NRG1: variants seen among roughly 807,000 people sequenced by gnomAD.
NRG1 encodes the protein pro-neuregulin-1, membrane-bound isoform.
In NRG1, 18 loss-of-function variants were observed where a neutral mutation model predicts 63.8. The ratio of observed to expected loss-of-function variants is 0.28; its 90% CI spans 0.19 to 0.42. The LOEUF is 0.42. NRG1 is among the 10% of genes least tolerant of loss of function. The probability of loss-of-function intolerance (pLI) is 1.00; values close to 1 mark genes in which losing one functional copy is unlikely to be tolerated. For missense variants in NRG1, 762 were observed against 814.7 expected, an observed-to-expected ratio of 0.94 and a Z score of 0.79; for synonymous variants, 302 against 301.3, an observed-to-expected ratio of 1.00 and a Z score of -0.02.
chr8:32,594,904 G>A lies in NRG1; in HGVS notation c.101-924G>A, dbSNP rs112759650. ...AGAGTGATAGCATCAGAGAATTTCT[G>A]TCTTGAAGAAAGGAGCCATTGTTAA... is the stretch of plus-strand genomic sequence containing the variant. On this transcript the variant is annotated intron_variant, in intron 1 of 11. Coordinates refer to ENST00000356819, the Ensembl canonical transcript of NRG1. Among the ~76,000 whole-genome samples, 566 of 152,300 alleles carry A rather than the reference G, an allele frequency of 3.7e-3. 5 individuals are homozygous for A. The highest frequency in any genetic ancestry group is 0.013 in the African/African-American group (541 of 41,568).
intron 1 of NRG1, among the ~76,000 whole-genome samples, chr8:32,418,229 G>T (rs182711247): frequency 6.6e-6 from 1 of 151,942 alleles, no homozygotes; most frequent in African/African-American, 2.4e-5. Context: ...CTAGTCTAGT[G>T]CATTCAATTA....
At chr8:31,805,923 T>G (rs1822240078) in intron 1 of NRG1, among the ~76,000 whole-genome samples, 1 of 152,086 alleles carries the variant, frequency 6.6e-6, no homozygotes, top group Non-Finnish European at 1.5e-5. Context: ...CATAGTATTC[T>G]TAAAGAATTC....
intron 1 of NRG1, among the ~76,000 whole-genome samples, chr8:31,874,779 G>T (rs1829775559): frequency 2.1e-5 from 3 of 144,886 alleles, no homozygotes; most frequent in South Asian, 2.2e-4. Context: ...CCCAGCCTCT[G>T]GTAACTGTCC....
chr8:32,369,289 G>A (rs1337651461), intron 1 of NRG1, among the ~76,000 whole-genome samples: 1 of 152,242 alleles, frequency 6.6e-6, no homozygotes, highest in African/African-American at 2.4e-5. Context: ...TCATTGTGCA[G>A]TGTGGGGGAG....
chr8:32,510,122 A>AATAATAATAATAATAATC (rs1554566691), intron 1 of NRG1, among the ~76,000 whole-genome samples: 1 of 116,796 alleles, frequency 8.6e-6, no homozygotes, highest in African/African-American at 2.9e-5. Flanking sequence ...TAATAATAAT[A>AATAATAATAATAATAATC]ATAATCATAA....
chr8:32,741,687 A>G (rs1237357601), intron 6 of NRG1, among the ~76,000 whole-genome samples: 1 of 152,196 alleles, frequency 6.6e-6, no homozygotes, highest in African/African-American at 2.4e-5. Context: ...AGAATCAATG[A>G]TCAGTGGCAA....
At chr8:32,634,634 A>G (rs534037947) in intron 5 of NRG1, among the ~76,000 whole-genome samples, 1 of 152,324 alleles carries the variant, frequency 6.6e-6, no homozygotes, top group African/African-American at 2.4e-5. Flanking sequence ...GTATGTGAAC[A>G]TGTATATTCT....
chr8:31,703,526 A>G (rs796582304), intron 1 of NRG1, among the ~76,000 whole-genome samples: 5 of 152,360 alleles, frequency 3.3e-5, no homozygotes, highest in African/African-American at 1.2e-4. Flanking sequence ...AAGATTTTTA[A>G]AAGTTTCAAA....
At chr8:32,748,328 C>T (rs1192364236) in intron 7 of NRG1, among the ~76,000 whole-genome samples, 2 of 77,776 alleles carry the variant, frequency 2.6e-5, no homozygotes, top group Admixed American at 1.7e-4. Context: ...CGCATGTACA[C>T]GCGCGCGCGC....
intron 1 of NRG1, among the ~76,000 whole-genome samples, chr8:31,927,330 C>T (rs1834439442): frequency 6.6e-6 from 1 of 151,840 alleles, no homozygotes. Flanking sequence ...GAGCATAAAT[C>T]CAGAGATTCT....
intron 1 of NRG1, among the ~76,000 whole-genome samples, chr8:32,403,129 T>C (rs1259599360): frequency 6.6e-6 from 1 of 151,212 alleles, no homozygotes; most frequent in African/African-American, 2.4e-5. Flanking sequence ...TGAAACGCCG[T>C]CTCTACTAAA....
chr8:32,560,998 T>G (rs2129526891), intron 1 of NRG1, among the ~76,000 whole-genome samples: 2 of 152,278 alleles, frequency 1.3e-5, no homozygotes, highest in Middle Eastern at 3.4e-3. Context: ...ATAACTACAG[T>G]AGTCCTGAGA....
intron 1 of NRG1, among the ~76,000 whole-genome samples, chr8:32,360,182 G>C (rs1286634869): frequency 6.6e-6 from 1 of 152,146 alleles, no homozygotes; most frequent in Non-Finnish European, 1.5e-5. Flanking sequence ...CATGTTTCCA[G>C]GGGCCAAACC....
At chr8:32,102,207 G>A (rs1476147832) in intron 1 of NRG1, among the ~76,000 whole-genome samples, 2 of 152,184 alleles carry the variant, frequency 1.3e-5, no homozygotes, top group East Asian at 1.9e-4. Flanking sequence ...GAACAATTTC[G>A]ACTCATTGTA....
intron 1 of NRG1, among the ~76,000 whole-genome samples, chr8:31,833,030 C>T (rs1014599838): frequency 6.6e-6 from 1 of 152,060 alleles, no homozygotes; most frequent in African/African-American, 2.4e-5. Flanking sequence ...TTAACAACCA[C>T]CCGAGAACCC....
intron 1 of NRG1, among the ~76,000 whole-genome samples, chr8:31,737,101 T>C (rs973948262): frequency 1.3e-5 from 2 of 152,162 alleles, no homozygotes; most frequent in African/African-American, 2.4e-5. Context: ...ATCAAACTTA[T>C]TAGAGTTGAA....
intron 1 of NRG1, among the ~76,000 whole-genome samples, chr8:32,458,404 C>T (rs1341604536): frequency 6.6e-6 from 1 of 152,154 alleles, no homozygotes; most frequent in Non-Finnish European, 1.5e-5. Flanking sequence ...GTAGCTTTAG[C>T]TTTTCATTCT....
At chr8:31,834,298 C>CACATGTGT (rs1554546948) in intron 1 of NRG1, among the ~76,000 whole-genome samples, 1 of 21,772 alleles carries the variant, frequency 4.6e-5, no homozygotes, top group Non-Finnish European at 1.4e-4. Flanking sequence ...TGCGTGTGCG[C>CACATGTGT]GCACGCGCGC....
rs147719189 is a variant in NRG1 at position 32,332,524 on chromosome 8, T to C, written c.38-263304T>C. 1.3e-4 allele frequency among the ~76,000 whole-genome samples: 20 copies of C among 152,322 alleles called. No individual in the cohort carries two copies. In the East Asian group the frequency reaches 3.9e-3, roughly 29 times the overall value. On this transcript the variant is annotated intron_variant, in intron 1 of 10. Coordinates refer to the NRG1 transcript ENST00000519301. The stretch of plus-strand genomic sequence containing the variant: ...GGATACACCATTACAATGCATTATT[T>C]TGTATAATAAACACCTGTATAGTTT...
Sources: gnomAD v4.1 joint callset for allele counts (sites outside exome capture counted in the v4.1 genomes callset) on GRCh38, gnomAD v4.1.1 for gene constraint, MANE v1.5 for transcripts, NCBI Gene and HGNC (gene_info 2026-07-23, HGNC 2026-07-21) for gene names.